Variants in CFAP70 observed in about 807,000 individuals in gnomAD.
CFAP70 encodes the protein cilia- and flagella-associated protein 70.
Under a neutral mutation model 137.6 loss-of-function variants are expected in CFAP70, and 81 were observed. The ratio of observed to expected loss-of-function variants is 0.59; its 90% CI spans 0.49 to 0.71. CFAP70 has a LOEUF of 0.71. CFAP70 is among the 30% of genes least tolerant of loss of function. The pLI is 0.00. For missense variants in CFAP70, 976 were observed against 1,226.7 expected (o/e 0.80, Z 3.05); for synonymous variants, 382 against 423.6 (o/e 0.90, Z 1.20).
At chr10:73,255,265 G>A (rs143031737) in intron 26 of CFAP70, among the ~76,000 whole-genome samples, 3 of 152,208 alleles carry the variant, frequency 2.0e-5, no homozygotes, top group African/African-American at 7.2e-5. Flanking sequence ...GGGCAGTGGC[G>A]GGCGGCTGTA....
intron 8 of CFAP70, among the ~76,000 whole-genome samples, chr10:73,328,810 GAATGGC>G (rs1438412687): frequency 5.3e-5 from 8 of 151,250 alleles, no homozygotes; most frequent in Middle Eastern, 3.4e-3. Context: ...ACACCAGTTA[GAATGGC>G]AATCATTAAA....
At chr10:73,299,576 TATC>T (rs1365853335) in intron 13 of CFAP70, 26 bp downstream of exon 14, 1 of 1,597,690 alleles carries the variant, frequency 6.3e-7, no homozygotes, top group East Asian at 2.2e-5. Context: ...TCTTATTACT[TATC>T]ATTTCAACTT....
intron 7 of CFAP70, among the ~76,000 whole-genome samples, chr10:73,332,770 C>T (rs1332900320): frequency 6.6e-6 from 1 of 152,138 alleles, no homozygotes; most frequent in East Asian, 1.9e-4. Context: ...ACAAGAAACA[C>T]AACCCAGCTC....
intron 19 of CFAP70, among the ~76,000 whole-genome samples, chr10:73,286,907 A>C (rs2047760883): frequency 6.6e-6 from 1 of 152,256 alleles, no homozygotes; most frequent in Non-Finnish European, 1.5e-5. Flanking sequence ...AGTTATCTGC[A>C]GCAGAAACAT....
intron 8 of CFAP70, among the ~76,000 whole-genome samples, chr10:73,327,674 A>C (rs1258730993): frequency 2.0e-5 from 3 of 152,140 alleles, no homozygotes; most frequent in Non-Finnish European, 4.4e-5. Context: ...AAAAATCACA[A>C]GCATTCTTAT....
intron 12 of CFAP70, among the ~76,000 whole-genome samples, chr10:73,309,654 A>C (rs2049723927): frequency 7.5e-6 from 1 of 133,594 alleles, no homozygotes; most frequent in South Asian, 2.8e-4. Context: ...CGTATTTCCT[A>C]AGAATTTTTT....
At chr10:73,359,630 G>A (rs2054928073), upstream of CFAP70, among the ~76,000 whole-genome samples, 1 of 152,166 alleles carries the variant, frequency 6.6e-6, no homozygotes. Context: ...GAAGTGTAGC[G>A]AGAAGGATGG....
intron 6 of CFAP70, among the ~76,000 whole-genome samples, chr10:73,336,463 TCAGA>T (rs2132356044): frequency 6.6e-6 from 1 of 152,240 alleles, no homozygotes; most frequent in Non-Finnish European, 1.5e-5. Context: ...AAATATTTAG[TCAGA>T]CAATGAAAAA....
At chr10:73,256,303 T>G in intron 26 of CFAP70, 66 bp downstream of exon 27, 3 of 1,564,148 alleles carry the variant, frequency 1.9e-6, no homozygotes, top group Non-Finnish European at 2.6e-6. Context: ...ATTAAGCCAG[T>G]ACCTCCCTCC....
intron 22 of CFAP70, 93 bp from the exon 24 acceptor site, chr10:73,274,687 G>A (rs2046562618): frequency 8.6e-7 from 1 of 1,165,922 alleles, no homozygotes; most frequent in Non-Finnish European, 1.2e-6. Flanking sequence ...TAGATAGATT[G>A]TCCATTTCCT....
intron 19 of CFAP70, 60 bp downstream of exon 20, chr10:73,291,166 C>T: frequency 2.0e-6 from 3 of 1,481,494 alleles, no homozygotes; most frequent in Non-Finnish European, 1.9e-6. Flanking sequence ...AGGTGTGAGC[C>T]ACCACACCTG....
chr10:73,299,167 A>T, intron 13 of CFAP70, 66 bp from the exon 15 acceptor site: 1 of 1,229,792 alleles, frequency 8.1e-7, no homozygotes, highest in Non-Finnish European at 1.1e-6. Flanking sequence ...GGAAGTCTAA[A>T]ACTGGATTTG....
intron 11 of CFAP70, among the ~76,000 whole-genome samples, chr10:73,310,854 T>C (rs1275614684): frequency 6.6e-6 from 1 of 152,182 alleles, no homozygotes; most frequent in Non-Finnish European, 1.5e-5. Context: ...AGCTTCCCAA[T>C]TGCAAACTCC....
intron 4 of CFAP70, among the ~76,000 whole-genome samples, chr10:73,347,746 C>A (rs1449407162): frequency 6.6e-6 from 1 of 152,148 alleles, no homozygotes; most frequent in African/African-American, 2.4e-5. Context: ...GGGGTCTGGG[C>A]TAGAACTGCT....
upstream of CFAP70, among the ~76,000 whole-genome samples, chr10:73,362,752 C>G (rs554082655): frequency 1.3e-5 from 2 of 152,092 alleles, no homozygotes; most frequent in African/African-American, 4.8e-5. Context: ...AATTTAGATG[C>G]CCTTTGTTTC....
At chr10:73,288,982 G>A (rs561638261) in intron 19 of CFAP70, among the ~76,000 whole-genome samples, 39 of 152,292 alleles carry the variant, frequency 2.6e-4, no homozygotes, top group African/African-American at 8.9e-4. Context: ...TAATGAAATG[G>A]CCAATGTAGA....
At chr10:73,356,083 G>A (rs1019728242) in intron 1 of CFAP70, among the ~76,000 whole-genome samples, 4 of 152,122 alleles carry the variant, frequency 2.6e-5, no homozygotes, top group Admixed American at 2.6e-4. Context: ...ACTGGAAAAG[G>A]TCTTAATGTA....
chr10:73,283,553 G>A (rs2047421733), intron 19 of CFAP70, among the ~76,000 whole-genome samples: 1 of 152,074 alleles, frequency 6.6e-6, no homozygotes, highest in African/African-American at 2.4e-5. Flanking sequence ...ATGTCTTCTT[G>A]GTGAATTAAC....
At chr10:73,328,236 G>A (rs1415156199) in intron 8 of CFAP70, among the ~76,000 whole-genome samples, 1 of 151,980 alleles carries the variant, frequency 6.6e-6, no homozygotes, top group African/African-American at 2.4e-5. Flanking sequence ...CAAGCAATGG[G>A]GAAAGGATTC....
Sources: allele counts gnomAD v4.1 joint callset (sites outside exome capture counted in the v4.1 genomes callset), GRCh38; gene constraint gnomAD v4.1.1; transcripts MANE v1.5; gene names NCBI Gene and HGNC (gene_info 2026-07-23, HGNC 2026-07-21).